Variants in TMPRSS15 observed in about 807,000 individuals in gnomAD.
TMPRSS15 encodes the protein transmembrane serine protease 15.
In TMPRSS15, 128 loss-of-function variants were observed where a neutral mutation model predicts 125.3. That is an observed-to-expected ratio of 1.02 (90% CI 0.89 to 1.18). TMPRSS15 has a LOEUF of 1.18. Among genes scored for constraint, TMPRSS15 ranks in the 50% most tolerant of loss-of-function variants. TMPRSS15 has a pLI of 0.00. For missense variants in TMPRSS15, 1,283 were observed against 1,212.7 expected (o/e 1.06, Z -0.86); for synonymous variants, 446 against 423.2 (o/e 1.05, Z -0.66).
rs367594675 is a variant in TMPRSS15, at chr21:18,329,154, A to G, written c.1780+15T>C. ...GAGCTTTACAACCTTTACAATATTC[A>G]GATTGCAGACTTACCTAAGAGCAAG... On this transcript the variant is annotated intron_variant, in intron 15 of 24. Coordinates refer to ENST00000284885, the MANE Select transcript of TMPRSS15 (RefSeq NM_002772.3). 6.2e-7 allele frequency: 1 copy of G among 1,611,878 alleles called. No individual in the cohort carries two copies. The highest frequency in any genetic ancestry group is 8.5e-7 in the Non-Finnish European group (1 of 1,178,444).
intron 3 of TMPRSS15, 144 bp from the exon 4 acceptor site, chr21:18,383,922 A>G (rs2075918094): frequency 2.1e-6 from 2 of 967,356 alleles, no homozygotes; most frequent in South Asian, 3.0e-5. Context: ...GTCACTTCAA[A>G]TCTTATCTTT....
At chr21:18,407,106 G>C (rs1413724984), upstream of TMPRSS15, among the ~76,000 whole-genome samples, 1 of 152,116 alleles carries the variant, frequency 6.6e-6, no homozygotes, top group African/African-American at 2.4e-5. Context: ...CTGTGGATAA[G>C]AGTGTACCCG....
At chr21:18,360,568 T>C (rs1427392146) in intron 7 of TMPRSS15, among the ~76,000 whole-genome samples, 1 of 152,160 alleles carries the variant, frequency 6.6e-6, no homozygotes, top group Non-Finnish European at 1.5e-5. Flanking sequence ...CCCTTTGTGT[T>C]GTCTTAGCAC....
At position 18,436,643 on chromosome 21, in the gene TMPRSS15, A is replaced by G. The variant is rs1412547719; in HGVS notation, c.11-38314T>C. On this transcript the variant is annotated intron_variant, in intron 1 of 7. Transcript: ENST00000422787. ...AAATCACAAGCATTCTTACACACCAATAACAGACAAACAGAGAGCCAAATC... is the reference window on the plus strand; with the variant it reads ...AAATCACAAGCATTCTTACACACCAGTAACAGACAAACAGAGAGCCAAATC... Among the ~76,000 whole-genome samples the G allele has an allele frequency of 1.6e-4, 24 of 151,310 alleles. No individual in the cohort carries two copies. The East Asian group carries it at 4.3e-3, about 27-fold the overall frequency.
intron 1 of TMPRSS15, among the ~76,000 whole-genome samples, chr21:18,438,219 C>T (rs1031243819): frequency 9.3e-5 from 14 of 149,766 alleles, no homozygotes; most frequent in Admixed American, 2.7e-4. Flanking sequence ...AGTAAACTAT[C>T]GCAAGGACAA....
chr21:18,381,371 A>AT (rs1335135347), intron 4 of TMPRSS15, among the ~76,000 whole-genome samples: 1 of 152,248 alleles, frequency 6.6e-6, no homozygotes, highest in East Asian at 1.9e-4. Flanking sequence ...ATATGGTTAA[A>AT]TTTTTTATGT....
At chr21:18,406,041 A>G (rs980999116), upstream of TMPRSS15, among the ~76,000 whole-genome samples, 1 of 152,166 alleles carries the variant, frequency 6.6e-6, no homozygotes, top group Admixed American at 6.6e-5. Flanking sequence ...GAACTGAGGC[A>G]AAAATTTTGG....
chr21:18,270,253 TG>T, intron 24 of TMPRSS15, 129 bp from the exon 25 acceptor site: 1 of 787,562 alleles, frequency 1.3e-6, no homozygotes, highest in Non-Finnish European at 2.0e-6. Context: ...GCAAGTCATC[TG>T]TATATATTCT....
chr21:18,426,249 T>C (rs543135306), intron 1 of TMPRSS15, among the ~76,000 whole-genome samples: 2 of 152,324 alleles, frequency 1.3e-5, no homozygotes, highest in South Asian at 4.1e-4. Context: ...ATTATTATTA[T>C]CTACTTTTTA....
At chr21:18,379,196 G>T in intron 5 of TMPRSS15, 87 bp downstream of exon 5, 1 of 526,608 alleles carries the variant, frequency 1.9e-6, no homozygotes, top group Non-Finnish European at 3.1e-6. Context: ...TATTGCTAAG[G>T]CACCAGAGAC....
chr21:18,391,697 C>G (rs766363988), intron 3 of TMPRSS15, among the ~76,000 whole-genome samples: 3 of 152,206 alleles, frequency 2.0e-5, no homozygotes, highest in Admixed American at 1.3e-4. Flanking sequence ...CGGTGGCTGT[C>G]TTCTCCAGAG....
At chr21:18,325,072 CCACA>C (rs150514804) in intron 16 of TMPRSS15, among the ~76,000 whole-genome samples, 1 of 149,502 alleles carries the variant, frequency 6.7e-6, no homozygotes, top group East Asian at 1.9e-4. Context: ...TAAATTCTCG[CCACA>C]CACACACACA....
At chr21:18,397,210 G>C (rs1294330885) in intron 3 of TMPRSS15, among the ~76,000 whole-genome samples, 1 of 151,776 alleles carries the variant, frequency 6.6e-6, no homozygotes, top group African/African-American at 2.4e-5. Flanking sequence ...AAAACTTTAG[G>C]TTCAGAGAGA....
chr21:18,270,987 C>T (rs982582945), intron 24 of TMPRSS15, among the ~76,000 whole-genome samples: 3 of 152,184 alleles, frequency 2.0e-5, no homozygotes, highest in Admixed American at 6.5e-5. Flanking sequence ...AATCCCAGCT[C>T]GATGCTAGAA....
intron 8 of TMPRSS15, among the ~76,000 whole-genome samples, chr21:18,358,342 T>C (rs984427708): frequency 6.6e-6 from 1 of 151,886 alleles, no homozygotes; most frequent in Non-Finnish European, 1.5e-5. Context: ...CTCAAAGTGC[T>C]GACAACACTC....
At chr21:18,417,352 G>C (rs927884723) in intron 1 of TMPRSS15, among the ~76,000 whole-genome samples, 6 of 152,036 alleles carry the variant, frequency 3.9e-5, no homozygotes, top group African/African-American at 1.2e-4. Flanking sequence ...AAAACATTCT[G>C]CCACAGCAAA....
At chr21:18,319,084 A>C (rs1012629399) in intron 16 of TMPRSS15, among the ~76,000 whole-genome samples, 31 of 152,194 alleles carry the variant, frequency 2.0e-4, no homozygotes, top group African/African-American at 6.8e-4. Context: ...AGTGATTTGA[A>C]AAAAAGAAAC....
intron 22 of TMPRSS15, among the ~76,000 whole-genome samples, chr21:18,279,311 C>CTTTTTTTTTTTTTTTTTTTTTTTT (rs71189593): frequency 2.4e-5 from 1 of 41,094 alleles, no homozygotes; most frequent in Non-Finnish European, 4.8e-5. Flanking sequence ...CCTCGTTACT[C>CTTTTTTTTTTTTTTTTTTTTTTTT]TTTTTTTTTT....
chr21:18,298,979 T>C lies in TMPRSS15; in HGVS notation c.2166-1150A>G, dbSNP rs542319912. On this transcript the variant is annotated intron_variant, in intron 18 of 24. Transcript: ENST00000284885. ...AGAATGTTTAGTAACTTTCATCTAC[T>C]GAACGTAGAGCTGGGACAATAGATG... is the stretch of plus-strand genomic sequence containing the variant. Among the ~76,000 whole-genome samples, 4 of 152,368 alleles carry C rather than the reference T, an allele frequency of 2.6e-5. No homozygotes were observed. The East Asian group carries it at 7.7e-4, about 29-fold the overall frequency.
Sources: allele counts gnomAD v4.1 joint callset (sites outside exome capture counted in the v4.1 genomes callset), GRCh38; gene constraint gnomAD v4.1.1; transcripts MANE v1.5; gene names NCBI Gene and HGNC (gene_info 2026-07-23, HGNC 2026-07-21).